The following KIF20B variants were observed in gnomAD, a reference collection of about 807,000 sequenced individuals.
KIF20B encodes kinesin-like protein KIF20B.
Under a neutral mutation model 232.5 loss-of-function variants are expected in KIF20B, and 188 were observed. That is an observed-to-expected ratio of 0.81 (90% CI 0.72 to 0.91). The LOEUF is 0.91. Among genes scored for constraint, KIF20B ranks in the 40% least tolerant of loss-of-function variants. The pLI, the probability that KIF20B is intolerant of heterozygous loss-of-function variation, is 0.00. For missense variants in KIF20B, 2,154 were observed against 2,055.9 expected (o/e 1.05, Z -0.92); for synonymous variants, 712 against 683.0 (o/e 1.04, Z -0.66).
intron 28 of KIF20B, 37 bp from the exon 29 acceptor site, chr10:89,762,596 ATACTC>A: frequency 1.4e-6 from 2 of 1,448,760 alleles, no homozygotes; most frequent in Non-Finnish European, 9.6e-7. Context: ...TTATAAATGT[ATACTC>A]TACAAATAAT....
In KIF20B at chr10:89,709,396, T is replaced by C. The variant is rs748681486; in HGVS notation, c.286T>C (p.Cys96Arg). Residue 96 changes from cysteine to arginine, a missense_variant, in exon 4 of 33, where the codon TGC becomes CGC. Transcript: ENST00000371728. ...GACTGTTGTGCTGAAAGAGCCTCAA[T>C]GCATCCTTGGTCGGTTAAGTGAAAA... ...SQTVVLKEPQ[C>R]ILGRLSEKSS... 32 of 1,613,594 alleles carry C rather than the reference T, an allele frequency of 2.0e-5. No individual in the cohort carries two copies. The highest frequency in any genetic ancestry group is 2.5e-5 in the Non-Finnish European group (29 of 1,179,802).
At chr10:89,752,772 T>C in intron 25 of KIF20B, 81 bp downstream of exon 25, 2 of 1,051,254 alleles carry the variant, frequency 1.9e-6, no homozygotes, top group South Asian at 4.6e-5. Context: ...CAGTATTTTA[T>C]ATTTAGTAAT....
rs1333671630 is a variant in KIF20B at position 89,705,448 on chromosome 10, A to G, written c.147+7A>G. 7.4e-6 allele frequency: 12 copies of G among 1,613,380 alleles called. No individual in the cohort carries two copies. The highest frequency in any genetic ancestry group is 1.0e-5 in the Non-Finnish European group (12 of 1,179,664). On this transcript the variant is annotated splice_region_variant and intron_variant, in intron 2 of 32. Coordinates refer to ENST00000371728, the MANE Select transcript of KIF20B (RefSeq NM_001284259.2). ...AGTTGCTCCAAATACTGAGGTAAGT[A>G]CAAGAAAAGTATTGTGTTGATTATC...
intron 5 of KIF20B, 56 bp from the exon 6 acceptor site, chr10:89,710,903 TAA>T (rs1842823754): frequency 7.2e-7 from 1 of 1,398,062 alleles, no homozygotes; most frequent in Non-Finnish European, 9.8e-7. Flanking sequence ...AATAAACAAG[TAA>T]AGTTTCCTCT....
intron 15 of KIF20B, 115 bp from the exon 16 acceptor site, chr10:89,726,174 TAAAG>T: frequency 1.2e-5 from 15 of 1,286,494 alleles, no homozygotes; most frequent in Non-Finnish European, 1.5e-5. Context: ...TAATTTATTT[TAAAG>T]AATTTCAAGT....
chr10:89,745,388 T>G (rs1335918138), intron 22 of KIF20B, among the ~76,000 whole-genome samples: 1 of 152,064 alleles, frequency 6.6e-6, no homozygotes, highest in Non-Finnish European at 1.5e-5. Flanking sequence ...CCAGGCGTGG[T>G]GGCACACGCC....
chr10:89,754,662 C>A lies in KIF20B; in HGVS notation c.4492C>A (p.Gln1498Lys). 1.9e-6 allele frequency: 3 copies of A among 1,560,020 alleles called. No homozygotes were observed. Among genetic ancestry groups the A allele is most frequent in the African/African-American group, 2.8e-5 (2 of 72,572 alleles). The change falls in exon 26 of 33, where the codon CAG becomes AAG. Residue 1498 changes from glutamine to lysine, a missense_variant. Coordinates refer to ENST00000371728, the MANE Select transcript of KIF20B (RefSeq NM_001284259.2). Reference protein sequence around the residue: ...AEDRERFFKQQNEMEILTAQL... With the variant: ...AEDRERFFKQKNEMEILTAQL... ...GGACAGGGAGCGTTTTTTTAAGCAA[C>A]AGAATGAAATGGTTAGTAACAATTG...
chr10:89,768,450 ATTATAAC>A (rs1842406587), intron 30 of KIF20B, 59 bp downstream of exon 30: 2 of 1,014,838 alleles, frequency 2.0e-6, no homozygotes, highest in East Asian at 4.9e-5. Context: ...GTTGTGTTCA[ATTATAAC>A]TCATTTATCT....
Position 89,745,764 on chromosome 10 carries a change from C to T in KIF20B, c.4036-135C>T, listed in dbSNP as rs1339719863. 9.8e-6 allele frequency: 6 copies of T among 614,762 alleles called. No individual in the cohort carries two copies. The African/African-American group carries it at 1.1e-4, about 11-fold the overall frequency. 38.1% of individuals were successfully genotyped at this position (614,762 alleles called of 1,614,324 possible). On this transcript the variant is annotated intron_variant, in intron 22 of 32. Transcript: ENST00000371728. Reference sequence around the variant, plus strand: ...ATGAAAGACAGTTGGAAGCTTGAGACTGGTACCAGCTGGTATACCAGCTAT... The same window carrying T: ...ATGAAAGACAGTTGGAAGCTTGAGATTGGTACCAGCTGGTATACCAGCTAT...
intron 27 of KIF20B, among the ~76,000 whole-genome samples, chr10:89,759,966 A>G (rs1842203655): frequency 6.6e-6 from 1 of 152,194 alleles, no homozygotes; most frequent in South Asian, 2.1e-4. Context: ...GAGTTTAGAA[A>G]TAGAACTTTA....
intron 1 of KIF20B, among the ~76,000 whole-genome samples, chr10:89,701,995 CTA>C (rs1842621180): frequency 6.6e-6 from 1 of 152,184 alleles, no homozygotes; most frequent in Admixed American, 6.5e-5. Context: ...AATGAAGTGT[CTA>C]TTTCTTTCGG....
chr10:89,709,126 A>G (rs977736665), intron 2 of KIF20B, 41 bp from the exon 3 acceptor site: 2 of 1,402,898 alleles, frequency 1.4e-6, no homozygotes, highest in South Asian at 1.2e-5. Flanking sequence ...GAAAAGCCGT[A>G]TCTTTCAAAA....
At chr10:89,721,191 A>G (rs561727400) in intron 13 of KIF20B, among the ~76,000 whole-genome samples, 1 of 152,068 alleles carries the variant, frequency 6.6e-6, no homozygotes, top group African/African-American at 2.4e-5. Flanking sequence ...TAGGCTAAAT[A>G]CTCTCATTTT....
intron 21 of KIF20B, among the ~76,000 whole-genome samples, chr10:89,739,630 G>A (rs548907198): frequency 1.4e-3 from 208 of 145,750 alleles, no homozygotes; most frequent in Non-Finnish European, 2.6e-3. Context: ...ATTTTCTGTC[G>A]TACTTAGACC....
At chr10:89,740,770 C>T (rs1204422261) in intron 21 of KIF20B, among the ~76,000 whole-genome samples, 1 of 152,194 alleles carries the variant, frequency 6.6e-6, no homozygotes, top group Admixed American at 6.5e-5. Context: ...AAGTGATCCT[C>T]CCATCTCAGC....
At chr10:89,755,205 C>A (rs1411356488) in intron 26 of KIF20B, among the ~76,000 whole-genome samples, 1 of 152,152 alleles carries the variant, frequency 6.6e-6, no homozygotes, top group Non-Finnish European at 1.5e-5. Flanking sequence ...TATCGTTAAT[C>A]CGAGGAAAGC....
chr10:89,703,157 C>A (rs372386102), intron 1 of KIF20B, among the ~76,000 whole-genome samples: 21 of 152,168 alleles, frequency 1.4e-4, no homozygotes, highest in East Asian at 9.6e-4. Flanking sequence ...GTTTTCTGGG[C>A]ATTTCCATGA....
chr10:89,758,343 G>A (rs1842174511), intron 26 of KIF20B, among the ~76,000 whole-genome samples: 1 of 151,820 alleles, frequency 6.6e-6, no homozygotes, highest in Non-Finnish European at 1.5e-5. Context: ...AAATGGTCTT[G>A]TTTTCTGTTT....
intron 16 of KIF20B, among the ~76,000 whole-genome samples, chr10:89,726,746 G>A (rs1843195444): frequency 6.6e-6 from 1 of 151,988 alleles, no homozygotes; most frequent in Admixed American, 6.6e-5. Flanking sequence ...TAGAAAATGA[G>A]CTTCTCAACA....
Sources: allele counts gnomAD v4.1 joint callset (sites outside exome capture counted in the v4.1 genomes callset), GRCh38; gene constraint gnomAD v4.1.1; transcripts MANE v1.5; gene names NCBI Gene and HGNC (gene_info 2026-07-23, HGNC 2026-07-21).